Variants in DFFB observed in about 807,000 individuals in gnomAD.
The protein encoded by DFFB is DNA fragmentation factor subunit beta.
In DFFB, 29 loss-of-function variants were observed where a neutral mutation model predicts 32.7. The ratio of observed to expected loss-of-function variants is 0.89; its 90% CI spans 0.66 to 1.21. DFFB has a LOEUF of 1.21. Among genes scored for constraint, DFFB ranks in the 50% most tolerant of loss-of-function variants. DFFB has a pLI of 0.00. For missense variants in DFFB, 398 were observed against 440.6 expected (o/e 0.90, Z 0.87); for synonymous variants, 170 against 177.1 (o/e 0.96, Z 0.32).
At chr1:3,879,288 G>A (rs1328468770) in intron 6 of DFFB, among the ~76,000 whole-genome samples, 1 of 152,152 alleles carries the variant, frequency 6.6e-6, no homozygotes, top group Non-Finnish European at 1.5e-5. Context: ...GGTTTTCCGG[G>A]AGCGCCTGTT....
rs1457459267 is a variant in DFFB, at chr1:3,857,503, C to T, written c.-101C>T. ...CCGGCCTGTGCCAGCTTGCAGAGCT[C>T]ACCAGGTGCAGACCCCTGCGGCCAG... On this transcript the variant is annotated 5_prime_UTR_variant, in exon 1 of 7. Coordinates refer to ENST00000378209, the MANE Select transcript of DFFB (RefSeq NM_004402.4). The T allele has an allele frequency of 2.3e-5, 18 of 778,488 alleles. No individual in the cohort carries two copies. Among genetic ancestry groups the T allele is most frequent in the Non-Finnish European group, 3.1e-5 (16 of 518,622 alleles). The allele number at this position is 778,488 out of a possible 1,614,324, so 48.2% of individuals were successfully genotyped here. A position where few individuals can be genotyped will look rare whatever the true frequency, so the allele number is the denominator to read the frequency against.
At chr1:3,864,103 G>A (rs1432475813) in intron 2 of DFFB, among the ~76,000 whole-genome samples, 14 of 151,828 alleles carry the variant, frequency 9.2e-5, no homozygotes, top group Non-Finnish European at 1.5e-4. Flanking sequence ...AGTAGCTGGG[G>A]TTACAGGCAT....
intron 2 of DFFB, among the ~76,000 whole-genome samples, chr1:3,860,149 A>C (rs959945168): frequency 2.0e-5 from 3 of 152,180 alleles, no homozygotes; most frequent in Non-Finnish European, 4.4e-5. Context: ...GCTGGCCTCA[A>C]ACTCCTGGGC....
intron 3 of DFFB, among the ~76,000 whole-genome samples, chr1:3,867,076 T>A (rs1644998517): frequency 6.6e-6 from 1 of 152,160 alleles, no homozygotes; most frequent in East Asian, 1.9e-4. Context: ...TTTTGTATTT[T>A]CAGTAGAGAC....
At chr1:3,861,153 CAAAAAA>C (rs56961503) in intron 2 of DFFB, among the ~76,000 whole-genome samples, 6,726 of 122,920 alleles carry the variant, frequency 0.055, 198 homozygotes, top group Non-Finnish European at 0.078. Flanking sequence ...GACTCCATCT[CAAAAAA>C]AAAAAAAAAA....
At chr1:3,867,859 G>T in intron 3 of DFFB, 115 bp from the exon 4 acceptor site, 1 of 869,022 alleles carries the variant, frequency 1.2e-6, no homozygotes, top group Non-Finnish European at 1.9e-6. Context: ...TCAAAAAGAT[G>T]AAGCAGTATG....
At chr1:3,869,921 G>A in intron 5 of DFFB, 146 bp downstream of exon 5, 1 of 860,062 alleles carries the variant, frequency 1.2e-6, no homozygotes, top group South Asian at 2.1e-5. Flanking sequence ...TCCCAGGGAG[G>A]GCGGCAGTGT....
intron 6 of DFFB, among the ~76,000 whole-genome samples, chr1:3,875,682 T>G (rs749150481): frequency 7.2e-5 from 11 of 152,220 alleles, no homozygotes; most frequent in Non-Finnish European, 1.2e-4. Context: ...TGTGTTTCTT[T>G]CCTTTGCTCG....
rs764508148 is a variant in DFFB, at chr1:3,865,757, G to T, written c.242-55G>T. 6.2e-7 allele frequency: 1 copy of T among 1,613,896 alleles called. No homozygotes were observed. The highest frequency in any genetic ancestry group is 2.2e-5 in the East Asian group (1 of 44,866). On this transcript the variant is annotated intron_variant, in intron 2 of 6. Transcript: ENST00000378209. This position sits in a 1 kb window ranked among gnomAD's most constrained non-coding sequence, Gnocchi z 4.7. ...GGTCAGAGGCTCTTCTTGTGACCGG[G>T]GCAGGATGTGTCTTCTGCTGGACCG...
At chr1:3,870,280 G>A (rs1039830471) in intron 5 of DFFB, among the ~76,000 whole-genome samples, 2 of 152,224 alleles carry the variant, frequency 1.3e-5, no homozygotes, top group Non-Finnish European at 2.9e-5. Flanking sequence ...AGCAACTTGA[G>A]GCGCCTCTTG....
intron 5 of DFFB, among the ~76,000 whole-genome samples, chr1:3,870,213 T>C (rs544376433): frequency 2.0e-5 from 3 of 152,336 alleles, no homozygotes; most frequent in Admixed American, 2.0e-4. Context: ...TTAGTGGTGA[T>C]GCATCTGTGT....
chr1:3,860,480 TG>T (rs1218155734), intron 2 of DFFB: 1 of 441,856 alleles, frequency 2.3e-6, no homozygotes, highest in Non-Finnish European at 4.6e-6. Flanking sequence ...CCTCCTGCCT[TG>T]GTCTCCTAAA....
intron 3 of DFFB, among the ~76,000 whole-genome samples, chr1:3,867,176 G>A (rs1235592093): frequency 2.6e-5 from 4 of 152,230 alleles, no homozygotes; most frequent in Admixed American, 6.5e-5. Flanking sequence ...GATCACAGGC[G>A]TGAGCCACCA....
Position 3,865,762 on chromosome 1 carries a change from G to A in DFFB, c.242-50G>A. 1.9e-6 allele frequency: 3 copies of A among 1,614,020 alleles called. No individual in the cohort carries two copies. Among genetic ancestry groups the A allele is most frequent in the Non-Finnish European group, 2.5e-6 (3 of 1,179,950 alleles). ...GAGGCTCTTCTTGTGACCGGGGCAG[G>A]ATGTGTCTTCTGCTGGACCGGCACC... On this transcript the variant is annotated intron_variant, in intron 2 of 6. Transcript: ENST00000378209. The surrounding 1 kb of genome is among the most constrained non-coding windows in gnomAD (Gnocchi z 4.7).
At chr1:3,875,392 C>T (rs1195890003) in intron 6 of DFFB, among the ~76,000 whole-genome samples, 6 of 152,194 alleles carry the variant, frequency 3.9e-5, no homozygotes, top group Non-Finnish European at 8.8e-5. Flanking sequence ...GCCCCAGTGT[C>T]TGAGCTTGAG....
chr1:3,875,260 A>G (rs554027513), intron 6 of DFFB, among the ~76,000 whole-genome samples: 2 of 152,346 alleles, frequency 1.3e-5, no homozygotes, highest in African/African-American at 4.8e-5. Context: ...CGTGCTATTT[A>G]AAGTGTGGTT....
chr1:3,870,016 T>C (rs552055148), intron 5 of DFFB, among the ~76,000 whole-genome samples: 46 of 152,326 alleles, frequency 3.0e-4, no homozygotes, highest in Non-Finnish European at 1.3e-4. Context: ...CCAGGGCTTG[T>C]CTCGGTAGTG....
At chr1:3,868,093 T>G in intron 4 of DFFB, 40 bp downstream of exon 4, 1 of 1,581,402 alleles carries the variant, frequency 6.3e-7, no homozygotes, top group South Asian at 1.1e-5. Context: ...GGCGGGTTTT[T>G]GAAGCCAGGC....
At chr1:3,875,046 C>T (rs775781415) in intron 6 of DFFB, among the ~76,000 whole-genome samples, 5 of 152,242 alleles carry the variant, frequency 3.3e-5, no homozygotes, top group Non-Finnish European at 7.3e-5. Flanking sequence ...CCCACGCTGT[C>T]GTGTGCAGTG....
Sources: gnomAD v4.1 joint callset for allele counts (sites outside exome capture counted in the v4.1 genomes callset) on GRCh38, gnomAD v4.1.1 for gene constraint, Gnocchi (gnomAD v3.1) non-coding constraint, MANE v1.5 for transcripts, NCBI Gene and HGNC (gene_info 2026-07-23, HGNC 2026-07-21) for gene names.